The following CCNY variants were observed in gnomAD, a reference collection of about 807,000 sequenced individuals.
CCNY encodes the protein cyclin Y.
A neutral mutation model predicts 42.8 loss-of-function variants in CCNY; 19 were observed. The observed-to-expected ratio is 0.44, with a 90% CI of 0.31 to 0.65. CCNY has a LOEUF of 0.65. Among genes scored for constraint, CCNY ranks in the 30% least tolerant of loss-of-function variants. The pLI is 0.07. For missense variants in CCNY, 370 were observed against 437.3 expected (o/e 0.85, Z 1.37); for synonymous variants, 165 against 162.7 (o/e 1.01, Z -0.11).
At chr10:35,525,667 T>C (rs546322405) in intron 4 of CCNY, among the ~76,000 whole-genome samples, 211 of 152,278 alleles carry the variant, frequency 1.4e-3, no homozygotes, top group African/African-American at 4.6e-3. Context: ...CTTTTTTTTT[T>C]CCCACAAGTG....
intron 1 of CCNY, among the ~76,000 whole-genome samples, chr10:35,356,514 A>T (rs867921170): frequency 6.6e-6 from 1 of 152,146 alleles, no homozygotes; most frequent in South Asian, 2.1e-4. Flanking sequence ...GGATGTGGCA[A>T]CGGGAAGCGT....
chr10:35,482,491 A>G (rs570515173), intron 1 of CCNY, among the ~76,000 whole-genome samples: 2 of 152,194 alleles, frequency 1.3e-5, no homozygotes, highest in South Asian at 4.2e-4. Flanking sequence ...ATGGCATTCT[A>G]AGTTGTTTAT....
chr10:35,359,896 G>C (rs576716995), intron 1 of CCNY, among the ~76,000 whole-genome samples: 147 of 152,304 alleles, frequency 9.7e-4, no homozygotes, highest in Non-Finnish European at 1.9e-3. Flanking sequence ...TTCACTTAAC[G>C]TAATGTCCTC....
chr10:35,251,748 C>G (rs184380315), intron 3 of CCNY, among the ~76,000 whole-genome samples: 22 of 152,234 alleles, frequency 1.4e-4, no homozygotes, highest in African/African-American at 5.1e-4. Context: ...GCCACCACTC[C>G]TGGTTAATTT....
chr10:35,506,145 G>T (rs1840209219), intron 3 of CCNY, among the ~76,000 whole-genome samples: 1 of 152,206 alleles, frequency 6.6e-6, no homozygotes. Context: ...AATGCCATAT[G>T]CTTGGAGGAT....
intron 1 of CCNY, among the ~76,000 whole-genome samples, chr10:35,481,219 A>G (rs1839661434): frequency 6.6e-6 from 1 of 152,204 alleles, no homozygotes; most frequent in Non-Finnish European, 1.5e-5. Flanking sequence ...TCCAAATGAT[A>G]GTACTATTAT....
intron 3 of CCNY, chr10:35,251,112 T>A (rs1265703376): frequency 6.6e-6 from 1 of 152,148 alleles, no homozygotes; most frequent in Non-Finnish European, 1.5e-5. Context: ...AAGACTATTT[T>A]TTGGCCAGGT....
chr10:35,501,662 CT>C lies in CCNY; in HGVS notation c.264+129del, dbSNP rs1312117487. 3 of 821,352 alleles carry C rather than the reference CT, an allele frequency of 3.7e-6. No individual in the cohort carries two copies. The African/African-American group carries it at 5.1e-5, about 14-fold the overall frequency. The allele number at this position is 821,352 out of a possible 1,614,324, so 50.9% of individuals were successfully genotyped here. A position where few individuals can be genotyped will look rare whatever the true frequency, so the allele number is the denominator to read the frequency against. ...ATACTTGGAAGAATGTTGCAGTGTA[CT>C]TATGCTTAGTTTGGTTTGTAATTGG... On this transcript the variant is annotated intron_variant, in intron 3 of 9. Transcript: ENST00000374704.
intron 8 of CCNY, among the ~76,000 whole-genome samples, chr10:35,560,254 C>T (rs1841440392): frequency 6.6e-6 from 1 of 152,174 alleles, no homozygotes; most frequent in Admixed American, 6.5e-5. Context: ...GACATGAATT[C>T]TGAAGGGCAC....
At chr10:35,470,065 T>G (rs1839358232) in intron 1 of CCNY, among the ~76,000 whole-genome samples, 3 of 114,024 alleles carry the variant, frequency 2.6e-5, no homozygotes, top group Middle Eastern at 8.8e-3. Context: ...GAGAGACAGA[T>G]GAGATAGGGC....
At chr10:35,522,566 T>G (rs1280746809) in intron 4 of CCNY, among the ~76,000 whole-genome samples, 10 of 152,036 alleles carry the variant, frequency 6.6e-5, no homozygotes, top group Admixed American at 4.6e-4. Context: ...CCAAGATAGA[T>G]TGTATAGATA....
chr10:35,558,222 A>G (rs577728159), intron 8 of CCNY, among the ~76,000 whole-genome samples: 1 of 152,250 alleles, frequency 6.6e-6, no homozygotes, highest in South Asian at 2.1e-4. Flanking sequence ...GTTCCCCCTG[A>G]GGCAGTGAAC....
intron 1 of CCNY, among the ~76,000 whole-genome samples, chr10:35,411,559 A>AG (rs1366534866): frequency 3.3e-5 from 5 of 151,988 alleles, no homozygotes; most frequent in Admixed American, 1.3e-4. Context: ...TACATGTAAA[A>AG]TGGCTGCAGT....
intron 1 of CCNY, among the ~76,000 whole-genome samples, chr10:35,465,971 G>C (rs1275133432): frequency 2.0e-5 from 3 of 151,766 alleles, no homozygotes; most frequent in African/African-American, 7.3e-5. Flanking sequence ...CTGTGTGTGT[G>C]TGTGTGTGTC....
chr10:35,509,118 G>T (rs1490765877), intron 3 of CCNY, among the ~76,000 whole-genome samples: 3 of 152,050 alleles, frequency 2.0e-5, no homozygotes, highest in Non-Finnish European at 2.9e-5. Context: ...CATAAAGTTG[G>T]CATTTTCCCA....
At position 35,275,618 on chromosome 10, in the gene CCNY, C is replaced by A. The variant is rs181559685; in HGVS notation, c.-9+24992C>A. ...CTCTACCAAAAATACAAAAAATTAGCTGGGCATGGTGGTGGGCACCTATAA... is the reference window on the plus strand; with the variant it reads ...CTCTACCAAAAATACAAAAAATTAGATGGGCATGGTGGTGGGCACCTATAA... On this transcript the variant is annotated intron_variant, in intron 3 of 11. Transcript: ENST00000374706. 6.9e-3 allele frequency among the ~76,000 whole-genome samples: 1,050 copies of A among 152,106 alleles called. 13 individuals carry two copies. Among genetic ancestry groups the A allele is most frequent in the African/African-American group, 0.024 (1,004 of 41,526 alleles).
At chr10:35,463,969 C>T (rs1839207418) in intron 1 of CCNY, among the ~76,000 whole-genome samples, 1 of 152,226 alleles carries the variant, frequency 6.6e-6, no homozygotes, top group African/African-American at 2.4e-5. Context: ...GTGCAGGAAG[C>T]TGCTGCCTCT....
chr10:35,344,611 C>A (rs1836258852), intron 1 of CCNY, among the ~76,000 whole-genome samples: 1 of 151,890 alleles, frequency 6.6e-6, no homozygotes, highest in African/African-American at 2.4e-5. Context: ...TTTTAGGGTA[C>A]ATGTGCACAA....
intron 1 of CCNY, among the ~76,000 whole-genome samples, chr10:35,352,033 A>G (rs879705717): frequency 6.6e-6 from 1 of 152,206 alleles, no homozygotes; most frequent in Non-Finnish European, 1.5e-5. Flanking sequence ...CAAGTATTTT[A>G]AGACGTTTGG....
Sources: allele counts gnomAD v4.1 joint callset (sites outside exome capture counted in the v4.1 genomes callset), GRCh38; gene constraint gnomAD v4.1.1; transcripts MANE v1.5; gene names NCBI Gene and HGNC (gene_info 2026-07-23, HGNC 2026-07-21).